The following POTEE variants were observed in gnomAD, a reference collection of about 807,000 sequenced individuals.
POTEE encodes ANKRD26-like family C member 1A.
POTEE carries 21 observed loss-of-function variants against 74.2 expected under a neutral mutation model. That is an observed-to-expected ratio of 0.28 (90% CI 0.20 to 0.41). POTEE has a LOEUF of 0.41. Ranked by LOEUF, POTEE falls within the 10% of genes least tolerant of loss-of-function variation. The pLI, the probability that POTEE is intolerant of heterozygous loss-of-function variation, is 1.00. For missense variants in POTEE, 525 were observed against 1,158.6 expected, an observed-to-expected ratio of 0.45 and a Z score of 7.94; for synonymous variants, 211 against 432.8, an observed-to-expected ratio of 0.49 and a Z score of 6.36.
intron 2 of POTEE, among the ~76,000 whole-genome samples, chr2:131,214,138 C>G (rs1700406638): frequency 1.3e-5 from 2 of 152,086 alleles, no homozygotes; most frequent in South Asian, 2.1e-4. Context: ...GTTCCACAAA[C>G]CCCATTTTAG....
intron 4 of POTEE, among the ~76,000 whole-genome samples, chr2:131,219,283 T>A (rs561676047): frequency 1.3e-5 from 2 of 151,708 alleles, no homozygotes; most frequent in East Asian, 3.9e-4. Flanking sequence ...CAAAGCCCCA[T>A]AACACATCAA....
Position 131,218,670 on chromosome 2 carries a change from G to A in POTEE, c.268G>A (p.Ala90Thr). ...CGCTTCTGGAGACCACGACGACTCT[G>A]CTATGAAGACACTCAGGAACAAGAT... Reference protein sequence around the residue: ...VGASGDHDDSAMKTLRNKMGK... With the variant: ...VGASGDHDDSTMKTLRNKMGK... The change falls in exon 4 of 18, where the codon GCT becomes ACT. Residue 90 changes from alanine to threonine, a missense_variant. By Grantham distance (58) the Ala-to-Thr change is moderately conservative. Transcript: ENST00000683005. 7.4e-7 allele frequency: 1 copy of A among 1,350,186 alleles called. No homozygotes were observed. The highest frequency in any genetic ancestry group is 1.0e-6 in the Non-Finnish European group (1 of 999,434). The allele number at this position is 1,350,186 out of a possible 1,614,324, so 83.6% of individuals were successfully genotyped here. A position where few individuals can be genotyped will look rare whatever the true frequency, so the allele number is the denominator to read the frequency against.
chr2:131,230,623 C>T (rs1234928603), intron 8 of POTEE, among the ~76,000 whole-genome samples: 6 of 152,106 alleles, frequency 3.9e-5, no homozygotes, highest in Middle Eastern at 3.4e-3. Context: ...ACAGTGCCCT[C>T]GATTTATGAC....
chr2:131,210,542 C>G (rs530721941), intron 1 of POTEE, among the ~76,000 whole-genome samples: 15 of 151,986 alleles, frequency 9.9e-5, no homozygotes, highest in African/African-American at 3.6e-4. Flanking sequence ...CTTTTCCAGA[C>G]TCCAGAGTTC....
At chr2:131,217,752 C>G in intron 3 of POTEE, among the ~76,000 whole-genome samples, 69 bp downstream of exon 3, 1 of 128,106 alleles carries the variant, frequency 7.8e-6, no homozygotes, top group African/African-American at 3.0e-5. Flanking sequence ...GCACGCCGCA[C>G]GCCGCACGCC....
At chr2:131,226,213 A>G (rs57530256) in intron 6 of POTEE, among the ~76,000 whole-genome samples, 5,462 of 149,200 alleles carry the variant, frequency 0.037, 205 homozygotes, top group African/African-American at 0.13. Context: ...TATTAAGAAT[A>G]CAGATAGGAA....
At chr2:131,222,245 C>T (rs1393457141) in intron 4 of POTEE, among the ~76,000 whole-genome samples, 1 of 152,198 alleles carries the variant, frequency 6.6e-6, no homozygotes, top group Non-Finnish European at 1.5e-5. Flanking sequence ...GGAACGAGAG[C>T]ATGTCCTTTG....
At position 131,264,199 on chromosome 2, in the gene POTEE, A is replaced by G. The variant is rs1573746563; in HGVS notation, c.2744A>G (p.Lys915Arg). 1 of 1,614,308 alleles carries G rather than the reference A, an allele frequency of 6.2e-7. No homozygotes were observed. The highest frequency in any genetic ancestry group is 2.2e-5 in the East Asian group (1 of 44,890). Residue 915 changes from lysine to arginine, a missense_variant, in exon 18 of 18, where the codon AAG (lysine) becomes AGG (arginine). Transcript: ENST00000683005. ...GAAATCGTGCGTGACATCAAAGAGA[A>G]GCTGTGCTATGTTGCCCTGGACTTC... is the stretch of plus-strand genomic sequence containing the variant. Reference protein sequence around the residue: ...EREIVRDIKEKLCYVALDFEQ... With the variant: ...EREIVRDIKERLCYVALDFEQ...
rs1345242962 is a variant in POTEE, at chr2:131,218,695, T to G, written c.293T>G (p.Met98Arg). 1.5e-6 allele frequency: 2 copies of G among 1,351,464 alleles called. No homozygotes were observed. The highest frequency in any genetic ancestry group is 1.5e-5 in the African/African-American group (1 of 67,292). The allele number at this position is 1,351,464 out of a possible 1,614,324, so 83.7% of individuals were successfully genotyped here. A position where few individuals can be genotyped will look rare whatever the true frequency, so the allele number is the denominator to read the frequency against. ...DSAMKTLRNK[M>R]GKWCCHCFPC... ...GCTATGAAGACACTCAGGAACAAGA[T>G]GGGGAAGTGGTGCTGCCACTGCTTC... The change falls in exon 4 of 18, where the codon ATG becomes AGG. Residue 98 changes from methionine to arginine, a missense_variant. Physicochemically the swap from Met to Arg is moderately conservative, Grantham distance 91. Transcript: ENST00000683005.
rs761163651 is a variant in POTEE at position 131,263,857 on chromosome 2, AC to A, written c.2406del (p.Ile803SerfsTer3). 9 of 1,614,010 alleles carry A rather than the reference AC, an allele frequency of 5.6e-6. No homozygotes were observed. In the Admixed American group the frequency reaches 8.3e-5, roughly 15 times the overall value. ...GAGCTGCGTGTGGCTCCCGAGGAGC[AC>A]CCCATCCTGCTGACCGAGGCCCCCC... ...YNELRVAPEE[H>X]PILLTEAPLN... is the part of the protein sequence containing the mutation. On this transcript the variant is annotated frameshift_variant, in exon 18 of 18. Coordinates refer to ENST00000683005, the MANE Select transcript of POTEE (RefSeq NM_001083538.3). LOFTEE classifies it high-confidence loss of function.
In POTEE at chr2:131,209,563, G is replaced by A. The variant is rs1226814605; in HGVS notation, c.-601G>A. On this transcript the variant is annotated 5_prime_UTR_variant, in exon 1 of 18. Transcript: ENST00000683005. ...TTCAGGCTCTTAAGTGTGGGCGTTTGGTAACCGGCATGGCTGCTACCTGTT... is the reference window on the plus strand; with the variant it reads ...TTCAGGCTCTTAAGTGTGGGCGTTTAGTAACCGGCATGGCTGCTACCTGTT... Among the ~76,000 whole-genome samples the A allele has an allele frequency of 6.6e-6, 1 of 152,230 alleles. No homozygotes were observed. The highest frequency in any genetic ancestry group is 6.5e-5 in the Admixed American group (1 of 15,286).
intron 1 of POTEE, among the ~76,000 whole-genome samples, 116 bp downstream of exon 1, chr2:131,209,935 C>G (rs1427275226): frequency 1.5e-5 from 2 of 130,998 alleles, no homozygotes; most frequent in African/African-American, 2.9e-5. Flanking sequence ...GGGCACTCTC[C>G]GAGGTTGCAT....
intron 1 of POTEE, among the ~76,000 whole-genome samples, chr2:131,210,098 C>T (rs1371465942): frequency 2.1e-5 from 3 of 144,958 alleles, no homozygotes; most frequent in Non-Finnish European, 4.5e-5. Context: ...GCTGCACTGC[C>T]CGGGGCAGGG....
chr2:131,259,031 GGTT>G (rs1295910082), intron 16 of POTEE, among the ~76,000 whole-genome samples: 3 of 36,702 alleles, frequency 8.2e-5, no homozygotes, highest in Non-Finnish European at 1.8e-4. Context: ...CTTCTACCAT[GGTT>G]GTTAAGTTTC....
chr2:131,225,469 T>C (rs942918608), intron 6 of POTEE, among the ~76,000 whole-genome samples: 3 of 147,428 alleles, frequency 2.0e-5, no homozygotes, highest in African/African-American at 4.9e-5. Context: ...AAATGTAATA[T>C]GTAAATTCTT....
chr2:131,237,386 G>A (rs561051280), intron 10 of POTEE, among the ~76,000 whole-genome samples: 2 of 151,812 alleles, frequency 1.3e-5, no homozygotes, highest in Admixed American at 1.3e-4. Flanking sequence ...TGACCTCAGC[G>A]TTTCTGTTCA....
At chr2:131,224,771 C>G (rs1268249790) in intron 6 of POTEE, among the ~76,000 whole-genome samples, 1 of 150,642 alleles carries the variant, frequency 6.6e-6, no homozygotes, top group Non-Finnish European at 1.5e-5. Flanking sequence ...CTCTGAGGAA[C>G]CAGATTGGCA....
chr2:131,227,002 A>T, intron 7 of POTEE, 73 bp downstream of exon 7: 1 of 1,561,370 alleles, frequency 6.4e-7, no homozygotes, highest in South Asian at 1.2e-5. Flanking sequence ...TTAAATTAAT[A>T]AGATTAATGT....
At chr2:131,213,427 C>A (rs1700395044) in intron 2 of POTEE, among the ~76,000 whole-genome samples, 1 of 151,568 alleles carries the variant, frequency 6.6e-6, no homozygotes, top group African/African-American at 2.4e-5. Flanking sequence ...ATTTTTCAAG[C>A]CCGTAGAAAT....
Sources: gnomAD v4.1 joint callset for allele counts (sites outside exome capture counted in the v4.1 genomes callset) on GRCh38, gnomAD v4.1.1 for gene constraint, MANE v1.5 for transcripts, NCBI Gene and HGNC (gene_info 2026-07-23, HGNC 2026-07-21) for gene names.